LARGE1: variants seen among roughly 807,000 people sequenced by gnomAD.
LARGE1 encodes the protein LARGE xylosyl- and glucuronyltransferase 1.
Under a neutral mutation model 87.6 loss-of-function variants are expected in LARGE1, and 43 were observed. The ratio of observed to expected loss-of-function variants is 0.49; its 90% CI spans 0.38 to 0.63. The LOEUF is 0.63. Among genes scored for constraint, LARGE1 ranks in the 30% least tolerant of loss-of-function variants. The pLI is 0.00. For synonymous variants in LARGE1, 434 were observed against 394.6 expected (o/e 1.10, Z -1.18); for missense variants, 802 against 1,000.2 (o/e 0.80, Z 2.67).
At chr22:33,519,917 G>A (rs1389721157) in intron 6 of LARGE1, among the ~76,000 whole-genome samples, 1 of 151,698 alleles carries the variant, frequency 6.6e-6, no homozygotes, top group Non-Finnish European at 1.5e-5. Flanking sequence ...TTTTCCTTAG[G>A]ATTAAGAAGT....
At chr22:33,346,249 TTC>T (rs781498972) in intron 9 of LARGE1, among the ~76,000 whole-genome samples, 11 of 150,320 alleles carry the variant, frequency 7.3e-5, no homozygotes, top group Non-Finnish European at 1.3e-4. Flanking sequence ...CCTTCCTTCC[TTC>T]CTCTCTTCTC....
chr22:33,141,194 TCACACA>T, the LARGE1 span, among the ~76,000 whole-genome samples: 11 of 141,736 alleles, frequency 7.8e-5, no homozygotes, highest in East Asian at 4.1e-4. Flanking sequence ...TCTCTCTCTC[TCACACA>T]CACACACACA....
chr22:33,574,855 C>CA (rs924358177), intron 5 of LARGE1, among the ~76,000 whole-genome samples: 6 of 151,760 alleles, frequency 4.0e-5, no homozygotes, highest in Admixed American at 2.0e-4. Flanking sequence ...ATATGCCATA[C>CA]AAAAGAGCAC....
chr22:33,340,104 A>G (rs1441595641), intron 9 of LARGE1, among the ~76,000 whole-genome samples: 1 of 149,320 alleles, frequency 6.7e-6, no homozygotes, highest in Non-Finnish European at 1.5e-5. Context: ...CATAATTTGT[A>G]TTAGTTTATT....
intron 2 of LARGE1, among the ~76,000 whole-genome samples, chr22:33,703,605 A>C (rs1174382329): frequency 6.6e-6 from 1 of 152,064 alleles, no homozygotes; most frequent in Admixed American, 6.6e-5. Flanking sequence ...CGTCGGAGGG[A>C]ATGTTGGTGT....
intron 7 of LARGE1, among the ~76,000 whole-genome samples, chr22:33,425,359 A>G (rs1422325497): frequency 6.6e-6 from 1 of 152,218 alleles, no homozygotes; most frequent in Admixed American, 6.5e-5. Flanking sequence ...TCCATGTGCA[A>G]ACAAGAAAGT....
chr22:33,245,031 G>A (rs1329996660), intron 11 of LARGE1, among the ~76,000 whole-genome samples: 1 of 152,190 alleles, frequency 6.6e-6, no homozygotes, highest in African/African-American at 2.4e-5. Context: ...AGACACTTGT[G>A]TAAGCAATGA....
chr22:33,605,208 C>G (rs182704626), intron 4 of LARGE1, among the ~76,000 whole-genome samples: 2 of 152,130 alleles, frequency 1.3e-5, no homozygotes, highest in East Asian at 1.9e-4. Context: ...GAACTCAGAC[C>G]AAAGTGGATT....
At chr22:33,117,710 A>G in the LARGE1 span, among the ~76,000 whole-genome samples, 1 of 152,240 alleles carries the variant, frequency 6.6e-6, no homozygotes, top group African/African-American at 2.4e-5. Context: ...AGACGTTTAC[A>G]AAGAACAAAT....
chr22:33,433,459 G>A (rs1281278195), intron 6 of LARGE1, among the ~76,000 whole-genome samples: 1 of 151,932 alleles, frequency 6.6e-6, no homozygotes, highest in Non-Finnish European at 1.5e-5. Context: ...AGCCAGGCGT[G>A]GTGGCGGGCA....
rs140808396 is a variant in LARGE1 at position 33,367,341 on chromosome 22, C to A, written c.1131+14578G>T. 2.6e-3 allele frequency among the ~76,000 whole-genome samples: 403 copies of A among 152,180 alleles called. 1 individual carries two copies. Among genetic ancestry groups the A allele is most frequent in the African/African-American group, 9.4e-3 (389 of 41,546 alleles). ...ATAGGTTTGTCTATTTTATTGGTCC[C>A]TTTCAAACTTTTGACTTTATTGATC... On this transcript the variant is annotated intron_variant, in intron 9 of 14. Transcript: ENST00000397394.
chr22:33,370,285 T>C (rs750471238), intron 9 of LARGE1, among the ~76,000 whole-genome samples: 8 of 152,274 alleles, frequency 5.3e-5, no homozygotes, highest in Non-Finnish European at 8.8e-5. Flanking sequence ...CCCATAACCA[T>C]TGACTAGCAA....
intron 2 of LARGE1, among the ~76,000 whole-genome samples, chr22:33,682,320 T>G (rs572110148): frequency 6.6e-6 from 1 of 152,346 alleles, no homozygotes; most frequent in South Asian, 2.1e-4. Flanking sequence ...TACCTTGGGA[T>G]GGCAAGACAC....
chr22:33,357,118 G>T (rs758581838), intron 9 of LARGE1, among the ~76,000 whole-genome samples: 5 of 152,196 alleles, frequency 3.3e-5, no homozygotes, highest in Non-Finnish European at 7.3e-5. Flanking sequence ...GTCAGCCTAA[G>T]TGTCCATCAA....
At chr22:33,688,255 G>A (rs893752438) in intron 2 of LARGE1, among the ~76,000 whole-genome samples, 2 of 152,198 alleles carry the variant, frequency 1.3e-5, no homozygotes, top group African/African-American at 4.8e-5. Context: ...CTAACTTGCT[G>A]GAAACAGTGC....
chr22:33,261,822 TAGAG>T (rs982203354), intron 11 of LARGE1, among the ~76,000 whole-genome samples: 1 of 152,340 alleles, frequency 6.6e-6, no homozygotes. Context: ...CTCTCTGTAG[TAGAG>T]AATCAAACTC....
chr22:33,872,119 C>T (rs1337786378), intron 1 of LARGE1, among the ~76,000 whole-genome samples: 2 of 151,964 alleles, frequency 1.3e-5, no homozygotes, highest in Non-Finnish European at 2.9e-5. Context: ...GTCAACCTTT[C>T]AGCCAGTCAC....
chr22:33,288,529 C>T (rs5998848), intron 12 of LARGE1, among the ~76,000 whole-genome samples: 11,171 of 152,166 alleles, frequency 0.073, 1,363 homozygotes, highest in African/African-American at 0.26. Context: ...ATATACATCT[C>T]CTATTGGCTC....
intron 11 of LARGE1, among the ~76,000 whole-genome samples, chr22:33,199,440 T>C (rs1042621426): frequency 1.6e-4 from 24 of 152,328 alleles, no homozygotes; most frequent in African/African-American, 5.3e-4. Context: ...CCTAGGCCAA[T>C]GTTCAGAAGA....
Sources: gnomAD v4.1 joint callset for allele counts (sites outside exome capture counted in the v4.1 genomes callset) on GRCh38, gnomAD v4.1.1 for gene constraint, MANE v1.5 for transcripts, NCBI Gene and HGNC (gene_info 2026-07-23, HGNC 2026-07-21) for gene names.